The following TERF2 variants were observed in gnomAD, a reference collection of about 807,000 sequenced individuals.
The protein encoded by TERF2 is telomeric repeat binding factor 2.
Under a neutral mutation model 56.1 loss-of-function variants are expected in TERF2, and 16 were observed. The observed-to-expected ratio is 0.29, with a 90% confidence interval of 0.19 to 0.43. The LOEUF is 0.43. Ranked by LOEUF, TERF2 falls within the 20% of genes least tolerant of loss-of-function variation. TERF2 has a pLI of 1.00. For missense variants in TERF2, 547 were observed against 712.9 expected, an observed-to-expected ratio of 0.77 and a Z score of 2.65; for synonymous variants, 296 against 282.1, an observed-to-expected ratio of 1.05 and a Z score of -0.50.
chr16:69,377,270 G>A (rs1179015379), intron 3 of TERF2, among the ~76,000 whole-genome samples: 3 of 151,872 alleles, frequency 2.0e-5, no homozygotes, highest in East Asian at 1.9e-4. Flanking sequence ...ATAGATCAAC[G>A]GGAGCTAAGT....
Position 69,386,005 on chromosome 16 carries a change from T to G in TERF2, c.-34A>C, listed in dbSNP as rs554748562. On this transcript the variant is annotated 5_prime_UTR_variant, in exon 1 of 10. Coordinates refer to ENST00000254942, the MANE Select transcript of TERF2 (RefSeq NM_005652.5). ...CAGCGTTCCGAGCCGCCCGCGGGCT[T>G]CTGGGAGGGAAAGGACCGGAGGGCC... 449 of 1,299,866 alleles carry G rather than the reference T, an allele frequency of 3.5e-4. 1 individual carries two copies. The highest frequency in any genetic ancestry group is 1.8e-3 in the Middle Eastern group (6 of 3,366). 80.5% of individuals were successfully genotyped at this position (1,299,866 alleles called of 1,614,324 possible).
intron 8 of TERF2, among the ~76,000 whole-genome samples, chr16:69,359,861 C>T (rs141425226): frequency 6.6e-5 from 10 of 151,744 alleles, no homozygotes; most frequent in East Asian, 4.0e-4. Flanking sequence ...CCTTGTGATC[C>T]GCCTGCCTCG....
rs932607308 is a variant in TERF2 at position 69,371,491 on chromosome 16, ACTCCAT to A, written c.693+772_693+777del. Among the ~76,000 whole-genome samples the A allele has an allele frequency of 1.0e-4, 14 of 134,300 alleles. No homozygotes were observed. The South Asian group carries it at 3.1e-3, about 30-fold the overall frequency. The allele number at this position is 134,300 out of a possible 152,430, so 88.1% of individuals were successfully genotyped here. A position where few individuals can be genotyped will look rare whatever the true frequency, so the allele number is the denominator to read the frequency against. ...ACTCCAGCCCGGGCAACAGAGCAAG[ACTCCAT>A]CTCAAAAAAAAAAAAAAAAAAAAAG... On this transcript the variant is annotated intron_variant, in intron 4 of 9. Transcript: ENST00000254942.
chr16:69,364,470 T>C (rs960688812), intron 7 of TERF2, among the ~76,000 whole-genome samples: 1 of 152,088 alleles, frequency 6.6e-6, no homozygotes, highest in Non-Finnish European at 1.5e-5. Flanking sequence ...CAGGTCATTG[T>C]GTCATGAAGC....
At chr16:69,384,511 G>GT in intron 3 of TERF2, 69 bp downstream of exon 3, 4 of 1,536,040 alleles carry the variant, frequency 2.6e-6, no homozygotes, top group Non-Finnish European at 2.6e-6. Context: ...ACAGTAAAGA[G>GT]TAAGTGCTGT....
At chr16:69,376,306 TC>T (rs1245413208) in intron 3 of TERF2, among the ~76,000 whole-genome samples, 3 of 152,180 alleles carry the variant, frequency 2.0e-5, no homozygotes, top group African/African-American at 4.8e-5. Context: ...GAAAAGACCA[TC>T]CTTTTCCCAT....
intron 8 of TERF2, among the ~76,000 whole-genome samples, chr16:69,357,988 G>A (rs994506567): frequency 1.8e-4 from 26 of 143,880 alleles, no homozygotes; most frequent in Non-Finnish European, 3.2e-4. Flanking sequence ...GACTACAGGC[G>A]CCCGCCACCA....
intron 3 of TERF2, among the ~76,000 whole-genome samples, chr16:69,382,834 T>C (rs1052264586): frequency 6.6e-5 from 10 of 152,320 alleles, no homozygotes; most frequent in African/African-American, 1.7e-4. Context: ...GAATCACTAA[T>C]AGACTCCTGA....
chr16:69,381,573 C>T (rs2142766929), intron 3 of TERF2, among the ~76,000 whole-genome samples: 1 of 151,998 alleles, frequency 6.6e-6, no homozygotes, highest in South Asian at 2.1e-4. Flanking sequence ...CTCCACCTCC[C>T]AGGCTCAGGT....
intron 3 of TERF2, among the ~76,000 whole-genome samples, chr16:69,378,947 C>CTG (rs1348429862): frequency 7.1e-6 from 1 of 141,032 alleles, no homozygotes; most frequent in African/African-American, 2.9e-5. Context: ...TATTAATTTC[C>CTG]TGTGGGGGGG....
At chr16:69,360,579 G>A (rs1476934649) in intron 8 of TERF2, among the ~76,000 whole-genome samples, 1 of 151,672 alleles carries the variant, frequency 6.6e-6, no homozygotes, top group Admixed American at 6.6e-5. Flanking sequence ...ATGGTGGCAA[G>A]GGCCTGTAGT....
chr16:69,385,317 TCA>T lies in TERF2; in HGVS notation c.475+72_475+73del, dbSNP rs1156546687. The T allele has an allele frequency of 2.8e-5, 36 of 1,290,076 alleles. No individual in the cohort carries two copies. The Admixed American group carries it at 5.2e-4, about 19-fold the overall frequency. 79.9% of individuals were successfully genotyped at this position (1,290,076 alleles called of 1,614,324 possible). On this transcript the variant is annotated intron_variant, in intron 2 of 9. Transcript: ENST00000254942. ...CTATCGCACTTTAACCTGGAATCCT[TCA>T]GTTCTAGATATAAGTTTTAAAACAA...
At chr16:69,376,463 A>G (rs774285714) in intron 3 of TERF2, among the ~76,000 whole-genome samples, 10 of 152,148 alleles carry the variant, frequency 6.6e-5, no homozygotes, top group South Asian at 2.1e-4. Flanking sequence ...GTATGAATCC[A>G]AATTTTTCTT....
chr16:69,381,260 T>C (rs1311549193), intron 3 of TERF2, among the ~76,000 whole-genome samples: 2 of 152,226 alleles, frequency 1.3e-5, no homozygotes, highest in Non-Finnish European at 2.9e-5. Flanking sequence ...TACTGTCACT[T>C]GTTTTATGTG....
chr16:69,369,140 T>C (rs1210446562), intron 5 of TERF2, among the ~76,000 whole-genome samples: 1 of 75,510 alleles, frequency 1.3e-5, no homozygotes, highest in African/African-American at 7.1e-5. Flanking sequence ...ATAAGGATAG[T>C]TTCCAGTTAC....
At position 69,385,798 on chromosome 16, in the gene TERF2, G is replaced by A. The variant is rs1330746561; in HGVS notation, c.174C>T (p.Gly58=). The A allele has an allele frequency of 1.5e-6, 2 of 1,296,686 alleles. No individual in the cohort carries two copies. Among genetic ancestry groups the A allele is most frequent in the South Asian group, 2.4e-5 (1 of 41,136 alleles). The allele number at this position is 1,296,686 out of a possible 1,614,324, so 80.3% of individuals were successfully genotyped here. ...GSSDGSGRAA[G]RRASRSSGRA... Reference sequence around the variant, plus strand: ...GCCCGCTACTGCGGGACGCCCGCCTGCCAGCTGCCCGCCCGCTGCCGTCGC... The same window carrying A: ...GCCCGCTACTGCGGGACGCCCGCCTACCAGCTGCCCGCCCGCTGCCGTCGC... Residue 58 remains glycine, a synonymous_variant, in exon 1 of 10, where the codon GGC becomes GGT. Transcript: ENST00000254942.
intron 5 of TERF2, chr16:69,368,716 GC>G: frequency 2.0e-6 from 2 of 981,112 alleles, no homozygotes; most frequent in Non-Finnish European, 2.9e-6. Flanking sequence ...TTGCTCTGTC[GC>G]CCAGGCTGCA....
At chr16:69,371,525 T>C (rs1481432486) in intron 4 of TERF2, among the ~76,000 whole-genome samples, 3 of 142,240 alleles carry the variant, frequency 2.1e-5, no homozygotes, top group Non-Finnish European at 3.1e-5. Context: ...AAAAAAAGTA[T>C]ATAGAAGAAA....
At chr16:69,380,796 T>A (rs1446845299) in intron 3 of TERF2, among the ~76,000 whole-genome samples, 1 of 151,636 alleles carries the variant, frequency 6.6e-6, no homozygotes, top group Admixed American at 6.6e-5. Flanking sequence ...ATTGACACAT[T>A]CATTAATTTT....
Sources: allele counts gnomAD v4.1 joint callset (sites outside exome capture counted in the v4.1 genomes callset), GRCh38; gene constraint gnomAD v4.1.1; transcripts MANE v1.5; gene names NCBI Gene and HGNC (gene_info 2026-07-23, HGNC 2026-07-21).